The following MGST3 variants were observed in gnomAD, a reference collection of about 807,000 sequenced individuals.
The protein encoded by MGST3 is microsomal glutathione S-transferase 3.
In MGST3, 13 loss-of-function variants were observed where a neutral mutation model predicts 15.8. The observed-to-expected ratio is 0.82, with a 90% CI of 0.54 to 1.31. The LOEUF is 1.31. Ranked by LOEUF, MGST3 falls within the 50% of genes most tolerant of loss-of-function variation. The pLI, the probability that MGST3 is intolerant of heterozygous loss-of-function variation, is 0.00. For missense variants in MGST3, 155 were observed against 192.4 expected (o/e 0.81, Z 1.15); for synonymous variants, 49 against 68.1 (o/e 0.72, Z 1.38).
In MGST3 at chr1:165,652,028, A is replaced by G. The variant is rs145605377; in HGVS notation, c.242A>G (p.Tyr81Cys). The G allele has an allele frequency of 1.6e-5, 26 of 1,612,580 alleles. No homozygotes were observed. The highest frequency in any genetic ancestry group is 2.2e-5 in the Non-Finnish European group (26 of 1,178,866). The change falls in exon 4 of 6, where the codon TAC becomes TGC. Residue 81 changes from tyrosine (Y) to cysteine (C), a missense_variant. Transcript: ENST00000367889. ...TTTTTTCTAGCTGTTGGAGGTGTTT[A>G]CCACCCGGTAAGTTTTCCAGGAGGT... ...FLFFLAVGGV[Y>C]HPRIASGLGL...
intron 2 of MGST3, 146 bp from the exon 3 acceptor site, chr1:165,650,868 T>C (rs965827092): frequency 5.5e-6 from 4 of 723,080 alleles, no homozygotes; most frequent in Non-Finnish European, 1.0e-5. Context: ...CTTGTCACCA[T>C]AAATATTTAA....
chr1:165,631,399 A>G (rs910537145), intron 1 of MGST3, 106 bp downstream of exon 1: 1 of 152,528 alleles, frequency 6.6e-6, no homozygotes, highest in Non-Finnish European at 1.5e-5. Context: ...CTGAATAGAG[A>G]CCCGCTGTCT....
At chr1:165,642,889 C>T (rs944129112) in intron 1 of MGST3, among the ~76,000 whole-genome samples, 7 of 152,228 alleles carry the variant, frequency 4.6e-5, no homozygotes, top group Admixed American at 1.3e-4. Context: ...AGTGGTGGTA[C>T]TCAAGCCAGA....
intron 1 of MGST3, among the ~76,000 whole-genome samples, chr1:165,631,830 G>C (rs1438018040): frequency 6.6e-6 from 1 of 152,244 alleles, no homozygotes; most frequent in East Asian, 1.9e-4. Flanking sequence ...AATTGTGTTT[G>C]TTTTCCTCCT....
intron 1 of MGST3, among the ~76,000 whole-genome samples, chr1:165,633,872 G>A (rs1171603343): frequency 6.6e-6 from 1 of 152,106 alleles, no homozygotes; most frequent in African/African-American, 2.4e-5. Flanking sequence ...TAAATGAAGT[G>A]CCAGTTTCTG....
At chr1:165,636,192 GT>G (rs1478116250) in intron 1 of MGST3, among the ~76,000 whole-genome samples, 5 of 151,982 alleles carry the variant, frequency 3.3e-5, no homozygotes, top group Non-Finnish European at 4.4e-5. Context: ...CATTTTTAAA[GT>G]TTTTGTGTGT....
chr1:165,653,417 G>A (rs890505119), intron 4 of MGST3, among the ~76,000 whole-genome samples: 1 of 152,166 alleles, frequency 6.6e-6, no homozygotes, highest in African/African-American at 2.4e-5. Context: ...GACTAGAGCT[G>A]CTATATCGTG....
At chr1:165,638,880 TA>T (rs747603899) in intron 1 of MGST3, among the ~76,000 whole-genome samples, 10 of 151,730 alleles carry the variant, frequency 6.6e-5, no homozygotes, top group Non-Finnish European at 1.2e-4. Context: ...CAGCCACTAA[TA>T]ACATATTTAA....
At chr1:165,641,206 C>G (rs568180500) in intron 1 of MGST3, among the ~76,000 whole-genome samples, 4 of 152,254 alleles carry the variant, frequency 2.6e-5, no homozygotes, top group African/African-American at 9.6e-5. Flanking sequence ...AGTTCCCACT[C>G]CCTGAAGCTG....
chr1:165,636,522 G>A (rs57058706), intron 1 of MGST3, among the ~76,000 whole-genome samples: 20,624 of 152,064 alleles, frequency 0.14, 1,579 homozygotes, highest in Non-Finnish European at 0.16. Context: ...GATCACCTGA[G>A]GTCAGGAGTT....
At chr1:165,651,861 T>A (rs1323292537) in intron 3 of MGST3, 117 bp from the exon 4 acceptor site, 1 of 658,686 alleles carries the variant, frequency 1.5e-6, no homozygotes, top group East Asian at 3.0e-5. Context: ...TGCCACTGCA[T>A]TCCAGCCTGG....
intron 4 of MGST3, chr1:165,654,064 C>T: frequency 1.8e-6 from 1 of 552,516 alleles, no homozygotes; most frequent in South Asian, 1.9e-5. Context: ...ATACTCATCT[C>T]CCAGGTCCAC....
chr1:165,650,965 C>G (rs1202834170), intron 2 of MGST3, 49 bp from the exon 3 acceptor site: 2 of 1,532,558 alleles, frequency 1.3e-6, no homozygotes, highest in Non-Finnish European at 1.8e-6. Context: ...ACTTTCAACA[C>G]TGAATGCTCC....
At chr1:165,644,839 A>G (rs1413212919) in intron 1 of MGST3, among the ~76,000 whole-genome samples, 1 of 151,992 alleles carries the variant, frequency 6.6e-6, no homozygotes, top group Non-Finnish European at 1.5e-5. Flanking sequence ...GCTCACTGCA[A>G]CCTCCACCTC....
rs9333465 is a variant in MGST3, at chr1:165,649,815, G to A, written c.-7-26G>A. ...TGAAATAGCCACAGTGCTGGGGGCC[G>A]TCCCAACGTGTTCTTTCTTCCACAG... On this transcript the variant is annotated intron_variant, in intron 1 of 5. Coordinates refer to ENST00000367889, the MANE Select transcript of MGST3 (RefSeq NM_004528.4). The A allele has an allele frequency of 9.8e-4, 1,588 of 1,613,474 alleles. 19 individuals are homozygous for A. In the African/African-American group the frequency reaches 0.019, roughly 19 times the overall value.
At chr1:165,649,379 C>A (rs983526682) in intron 1 of MGST3, 1 of 165,368 alleles carries the variant, frequency 6.0e-6, no homozygotes, top group African/African-American at 2.4e-5. Flanking sequence ...TCTCCTCCCT[C>A]CCCACTCCCT....
At chr1:165,639,202 A>T (rs1368590371) in intron 1 of MGST3, among the ~76,000 whole-genome samples, 1 of 152,174 alleles carries the variant, frequency 6.6e-6, no homozygotes, top group Non-Finnish European at 1.5e-5. Flanking sequence ...CTTCAATTGA[A>T]CGTTGCAGAG....
chr1:165,641,604 T>G (rs1173480997), intron 1 of MGST3, among the ~76,000 whole-genome samples: 2 of 152,236 alleles, frequency 1.3e-5, no homozygotes, highest in Non-Finnish European at 2.9e-5. Flanking sequence ...GGACCAACAT[T>G]TATTGTTTAT....
chr1:165,633,761 C>T (rs948100294), intron 1 of MGST3, among the ~76,000 whole-genome samples: 1 of 145,776 alleles, frequency 6.9e-6, no homozygotes, highest in Non-Finnish European at 1.5e-5. Context: ...GTGACTCATT[C>T]GAGATTTTTT....
Sources: gnomAD v4.1 joint callset for allele counts (sites outside exome capture counted in the v4.1 genomes callset) on GRCh38, gnomAD v4.1.1 for gene constraint, MANE v1.5 for transcripts, NCBI Gene and HGNC (gene_info 2026-07-23, HGNC 2026-07-21) for gene names.